ULK4: variants seen among roughly 807,000 people sequenced by gnomAD.
ULK4 encodes inactive serine/threonine-protein kinase ULK4.
ULK4 carries 133 observed loss-of-function variants against 160.6 expected under a neutral mutation model. The ratio of observed to expected loss-of-function variants is 0.83; its 90% CI spans 0.72 to 0.96. The LOEUF (loss-of-function observed/expected upper bound fraction) is 0.96, where lower values mean the gene tolerates loss of function less well. ULK4 is among the 40% of genes least tolerant of loss of function. The pLI is 0.00. For missense variants in ULK4, 1,580 were observed against 1,499.5 expected (o/e 1.05, Z -0.89); for synonymous variants, 534 against 539.8 (o/e 0.99, Z 0.15).
chr3:41,387,853 T>G (rs2081856768), intron 35 of ULK4, among the ~76,000 whole-genome samples: 2 of 152,218 alleles, frequency 1.3e-5, no homozygotes, highest in African/African-American at 4.8e-5. Context: ...TGTGTCTTCA[T>G]AGCAGCATGA....
At chr3:41,818,231 T>C (rs1407920947) in intron 19 of ULK4, among the ~76,000 whole-genome samples, 2 of 152,182 alleles carry the variant, frequency 1.3e-5, no homozygotes, top group Non-Finnish European at 2.9e-5. Flanking sequence ...ACTGCACTCC[T>C]GTATTCCCAT....
chr3:41,393,928 G>T (rs959951243), intron 35 of ULK4, among the ~76,000 whole-genome samples: 6 of 152,096 alleles, frequency 3.9e-5, no homozygotes, highest in Non-Finnish European at 8.8e-5. Context: ...CTAGTTGGTG[G>T]TCTTGGGAAC....
intron 15 of ULK4, 135 bp downstream of exon 15, chr3:41,896,687 G>A (rs1370155569): frequency 1.0e-6 from 1 of 970,272 alleles, no homozygotes; most frequent in African/African-American, 1.6e-5. Flanking sequence ...TTAAGCAGAG[G>A]ATAATTTTCA....
chr3:41,569,639 T>C (rs186799420), intron 31 of ULK4, among the ~76,000 whole-genome samples: 1 of 152,260 alleles, frequency 6.6e-6, no homozygotes, highest in East Asian at 1.9e-4. Flanking sequence ...TACAAAGCAT[T>C]CTATTACACC....
chr3:41,659,090 C>T (rs901686551), intron 30 of ULK4, among the ~76,000 whole-genome samples: 2 of 152,138 alleles, frequency 1.3e-5, no homozygotes, highest in Admixed American at 6.5e-5. Context: ...AATTATATCT[C>T]AATAAACCTG....
intron 32 of ULK4, among the ~76,000 whole-genome samples, chr3:41,501,941 T>G (rs1157971938): frequency 6.6e-6 from 1 of 152,228 alleles, no homozygotes; most frequent in Non-Finnish European, 1.5e-5. Context: ...AGTGAGATCA[T>G]GTGGTATTTC....
At chr3:41,836,448 G>A (rs2041759738) in intron 17 of ULK4, among the ~76,000 whole-genome samples, 1 of 152,250 alleles carries the variant, frequency 6.6e-6, no homozygotes, top group Middle Eastern at 3.4e-3. Context: ...TGGGATTACA[G>A]GAGTGAGTCA....
intron 35 of ULK4, among the ~76,000 whole-genome samples, chr3:41,270,037 C>T (rs1259196480): frequency 7.8e-6 from 1 of 127,452 alleles, no homozygotes; most frequent in Non-Finnish European, 1.5e-5. Context: ...AGGATACATA[C>T]ACACACACAC....
chr3:41,787,003 A>G (rs1008453552), intron 21 of ULK4, among the ~76,000 whole-genome samples: 2 of 152,106 alleles, frequency 1.3e-5, no homozygotes, highest in African/African-American at 4.8e-5. Flanking sequence ...ATACACAAGA[A>G]AAAACAGCTC....
At chr3:41,931,511 A>G (rs1453713691) in intron 5 of ULK4, among the ~76,000 whole-genome samples, 1 of 151,836 alleles carries the variant, frequency 6.6e-6, no homozygotes, top group Admixed American at 6.6e-5. Context: ...TTTCAACTGC[A>G]GAATATCATT....
intron 34 of ULK4, among the ~76,000 whole-genome samples, chr3:41,407,943 G>A (rs2082327244): frequency 6.6e-6 from 1 of 151,944 alleles, no homozygotes; most frequent in South Asian, 2.1e-4. Flanking sequence ...AAATCCTAAG[G>A]AACCCTTTAA....
chr3:41,650,490 T>A (rs985272390), intron 30 of ULK4, among the ~76,000 whole-genome samples: 1 of 152,206 alleles, frequency 6.6e-6, no homozygotes, highest in Non-Finnish European at 1.5e-5. Context: ...TGGAGGCTGC[T>A]TGTGGTATGC....
At chr3:41,831,531 A>ATATATATTTTT in intron 18 of ULK4, among the ~76,000 whole-genome samples, 3 of 138,066 alleles carry the variant, frequency 2.2e-5, no homozygotes, top group African/African-American at 8.5e-5. Context: ...ATATATATAT[A>ATATATATTTTT]TTTTTTTTTC....
rs143062257 is a variant in ULK4 at position 41,483,520 on chromosome 3, C to A, written c.3227-20267G>T. On this transcript the variant is annotated intron_variant, in intron 32 of 36. Transcript: ENST00000301831. Reference sequence around the variant, plus strand: ...TTGCTGTGACTGTATAAACACTATTCCCAAGTAAATAATGTAGAAAATAAT... The same window carrying A: ...TTGCTGTGACTGTATAAACACTATTACCAAGTAAATAATGTAGAAAATAAT... 9.9e-4 allele frequency among the ~76,000 whole-genome samples: 150 copies of A among 152,062 alleles called. 1 individual carries two copies. Among genetic ancestry groups the A allele is most frequent in the African/African-American group, 3.5e-3 (143 of 41,440 alleles).
chr3:41,919,580 T>G (rs945487733), intron 6 of ULK4, 137 bp downstream of exon 6: 21 of 672,108 alleles, frequency 3.1e-5, no homozygotes, highest in Non-Finnish European at 5.0e-6. Context: ...CCAGACTGGG[T>G]GACAGTACGA....
At chr3:41,585,299 T>C (rs1386004924) in intron 31 of ULK4, among the ~76,000 whole-genome samples, 1 of 152,158 alleles carries the variant, frequency 6.6e-6, no homozygotes, top group African/African-American at 2.4e-5. Flanking sequence ...ATCAAGACAG[T>C]ACTGTACTGG....
At chr3:41,481,776 G>A (rs1235340320) in intron 32 of ULK4, among the ~76,000 whole-genome samples, 1 of 137,870 alleles carries the variant, frequency 7.3e-6, no homozygotes, top group Non-Finnish European at 1.5e-5. Context: ...GCAGTGAGCC[G>A]AGATCCCGCC....
chr3:41,303,116 T>A (rs1040549144), intron 35 of ULK4, among the ~76,000 whole-genome samples: 1 of 152,214 alleles, frequency 6.6e-6, no homozygotes. Flanking sequence ...TAAAGTCATT[T>A]TTAAAAATTA....
chr3:41,882,977 T>A (rs143074804), intron 17 of ULK4, among the ~76,000 whole-genome samples: 59 of 152,266 alleles, frequency 3.9e-4, no homozygotes, highest in African/African-American at 1.3e-3. Flanking sequence ...CACAATTCAT[T>A]TTTTTAGGCC....
Sources: gnomAD v4.1 joint callset for allele counts (sites outside exome capture counted in the v4.1 genomes callset) on GRCh38, gnomAD v4.1.1 for gene constraint, MANE v1.5 for transcripts, NCBI Gene and HGNC (gene_info 2026-07-23, HGNC 2026-07-21) for gene names.